The following FAF2 variants were observed in gnomAD, a reference collection of about 807,000 sequenced individuals.
The protein encoded by FAF2 is Fas associated factor family member 2.
A neutral mutation model predicts 62.3 loss-of-function variants in FAF2; 9 were observed. The ratio of observed to expected loss-of-function variants is 0.14; its 90% CI spans 0.09 to 0.25. The LOEUF is 0.25. Ranked by LOEUF, FAF2 falls within the 10% of genes least tolerant of loss-of-function variation. The pLI is 1.00. For missense variants in FAF2, 368 were observed against 556.2 expected, an observed-to-expected ratio of 0.66 and a Z score of 3.40; for synonymous variants, 202 against 198.0, an observed-to-expected ratio of 1.02 and a Z score of -0.17.
chr5:176,492,394 C>G, intron 5 of FAF2, 62 bp downstream of exon 5: 11 of 1,487,228 alleles, frequency 7.4e-6, no homozygotes, highest in Non-Finnish European at 9.9e-6. Context: ...CAAAGGAGAG[C>G]ACAGCCCAGC....
chr5:176,469,861 G>A (rs531251888), intron 1 of FAF2, among the ~76,000 whole-genome samples: 3 of 152,234 alleles, frequency 2.0e-5, no homozygotes, highest in East Asian at 1.9e-4. Context: ...GGAGTATTTC[G>A]TAAAATAATG....
At chr5:176,458,436 GTC>G (rs1758317643) in intron 1 of FAF2, among the ~76,000 whole-genome samples, 1 of 77,864 alleles carries the variant, frequency 1.3e-5, no homozygotes, top group Admixed American at 1.8e-4. Flanking sequence ...TTGAGACGGA[GTC>G]TCACTCTCTC....
intron 1 of FAF2, among the ~76,000 whole-genome samples, chr5:176,465,592 C>G (rs1334635331): frequency 1.3e-5 from 2 of 152,008 alleles, no homozygotes; most frequent in East Asian, 3.9e-4. Flanking sequence ...GTCTCAAACT[C>G]CTGACCTCAG....
chr5:176,509,021 G>A lies in FAF2; in HGVS notation c.*2071G>A, dbSNP rs754913430. On this transcript the variant is annotated 3_prime_UTR_variant, in exon 11 of 11. Coordinates refer to ENST00000261942, the MANE Select transcript of FAF2 (RefSeq NM_014613.3). ...CTACAGTGTGCACTTTATGCCTCTC[G>A]CCTTTTGATAATAGTTGTTCAGTGA... The A allele has an allele frequency of 2.6e-5, 4 of 151,938 alleles. No individual in the cohort carries two copies. The highest frequency in any genetic ancestry group is 2.4e-5 in the African/African-American group (1 of 41,350). The allele number at this position is 151,938 out of a possible 1,614,324, so 9.4% of individuals were successfully genotyped here.
chr5:176,494,009 A>G lies in FAF2; in HGVS notation c.494A>G (p.Asp165Gly). 5 of 1,613,620 alleles carry G rather than the reference A, an allele frequency of 3.1e-6. No homozygotes were observed. The highest frequency in any genetic ancestry group is 2.2e-5 in the East Asian group (1 of 44,858). The change falls in exon 6 of 11, where the codon GAT becomes GGT. Residue 165 changes from aspartate to glycine, a missense_variant. By Grantham distance (94) the Asp-to-Gly change is moderately conservative. Coordinates refer to ENST00000261942, the MANE Select transcript of FAF2 (RefSeq NM_014613.3). This position sits in a 1 kb window ranked among gnomAD's most constrained non-coding sequence, Gnocchi z 4.0. ...TTCTCTTTCTCACAGGCACTTAACG[A>G]TGCCAAAAGGGAGCTTCGCTTTCTT... ...YQGTYSQALN[D>G]AKRELRFLLV... is the part of the protein sequence containing the mutation.
intron 3 of FAF2, among the ~76,000 whole-genome samples, chr5:176,487,998 G>A (rs535284264): frequency 5.6e-4 from 85 of 151,770 alleles, no homozygotes; most frequent in Non-Finnish European, 1.1e-3. Flanking sequence ...GCCCACCACC[G>A]CGTCTGGCTA....
In FAF2 at chr5:176,468,765, C is replaced by T. The variant is rs575786343; in HGVS notation, c.64-10423C>T. Among the ~76,000 whole-genome samples, 9 of 149,426 alleles carry T rather than the reference C, an allele frequency of 6.0e-5. No homozygotes were observed. The East Asian group carries it at 1.6e-3, about 26-fold the overall frequency. ...GCTGAGCAACATAGTGGGACCCCAC[C>T]AATCTAGCCCCCAAAAAAACAAAAA... On this transcript the variant is annotated intron_variant, in intron 1 of 10. Coordinates refer to ENST00000261942, the MANE Select transcript of FAF2 (RefSeq NM_014613.3).
At chr5:176,484,089 A>AG (rs1758832195) in intron 2 of FAF2, among the ~76,000 whole-genome samples, 1 of 152,048 alleles carries the variant, frequency 6.6e-6, no homozygotes, top group Non-Finnish European at 1.5e-5. Flanking sequence ...AGAAAAAAAA[A>AG]GAAAAAAAGG....
intron 1 of FAF2, 125 bp downstream of exon 1, chr5:176,448,595 C>A (rs1404905303): frequency 2.1e-6 from 2 of 931,920 alleles, no homozygotes; most frequent in Non-Finnish European, 3.2e-6. Flanking sequence ...GCCCCCTCCC[C>A]CCCAGACTCC....
At chr5:176,452,095 TTGCCCTGGCTG>T (rs1758198244) in intron 1 of FAF2, among the ~76,000 whole-genome samples, 3 of 150,742 alleles carry the variant, frequency 2.0e-5, no homozygotes, top group Non-Finnish European at 4.4e-5. Flanking sequence ...GCTTGCTCTG[TTGCCCTGGCTG>T]GGGTGCAGTG....
chr5:176,493,250 C>T (rs1229017391), intron 5 of FAF2, among the ~76,000 whole-genome samples: 2 of 152,224 alleles, frequency 1.3e-5, no homozygotes, highest in African/African-American at 4.8e-5. Context: ...AGTCTCCTCG[C>T]TGGCTGTTCC....
chr5:176,461,903 G>A (rs1180339681), intron 1 of FAF2, among the ~76,000 whole-genome samples: 2 of 152,018 alleles, frequency 1.3e-5, no homozygotes, highest in Admixed American at 6.6e-5. Context: ...ATACTACTAG[G>A]TTTTCTTGTA....
At chr5:176,485,986 C>T (rs1274347793) in intron 2 of FAF2, among the ~76,000 whole-genome samples, 1 of 152,236 alleles carries the variant, frequency 6.6e-6, no homozygotes, top group Non-Finnish European at 1.5e-5. Context: ...CACTGCATAA[C>T]TCCAGGGGTA....
intron 10 of FAF2, among the ~76,000 whole-genome samples, chr5:176,501,288 G>A (rs1384352989): frequency 6.6e-6 from 1 of 152,162 alleles, no homozygotes; most frequent in African/African-American, 2.4e-5. Context: ...TCAGTATGTT[G>A]CCTTTGCAAA....
Position 176,496,680 on chromosome 5 carries a change from T to A in FAF2, c.839+17T>A. 1 of 1,501,990 alleles carries A rather than the reference T, an allele frequency of 6.7e-7. No individual in the cohort carries two copies. Among genetic ancestry groups the A allele is most frequent in the East Asian group, 2.5e-5 (1 of 40,178 alleles). 93.0% of individuals were successfully genotyped at this position (1,501,990 alleles called of 1,614,324 possible). A position where few individuals can be genotyped will look rare whatever the true frequency, so the allele number is the denominator to read the frequency against. ...CCTAGAAAGGTACAAGGGAGTTCCC[T>A]TCTGGAACAGAGAGAGACCAGTTGT... is the stretch of plus-strand genomic sequence containing the variant. On this transcript the variant is annotated intron_variant, in intron 8 of 10. Transcript: ENST00000261942.
At chr5:176,455,343 G>A (rs1758262298) in intron 1 of FAF2, among the ~76,000 whole-genome samples, 1 of 152,182 alleles carries the variant, frequency 6.6e-6, no homozygotes, top group African/African-American at 2.4e-5. Flanking sequence ...CAGCTACTTG[G>A]GAGACTGAGG....
At chr5:176,481,439 C>T (rs893495934) in intron 2 of FAF2, among the ~76,000 whole-genome samples, 2 of 152,002 alleles carry the variant, frequency 1.3e-5, no homozygotes, top group African/African-American at 4.8e-5. Context: ...AGGCAGATCA[C>T]GAGGTCAGGA....
At chr5:176,497,736 A>G (rs999206316) in intron 8 of FAF2, among the ~76,000 whole-genome samples, 7 of 152,214 alleles carry the variant, frequency 4.6e-5, no homozygotes, top group Non-Finnish European at 8.8e-5. Flanking sequence ...GACAATCAAT[A>G]TAAGTATATT....
At chr5:176,457,599 T>G (rs1465015224) in intron 1 of FAF2, among the ~76,000 whole-genome samples, 4 of 152,154 alleles carry the variant, frequency 2.6e-5, no homozygotes, top group Non-Finnish European at 5.9e-5. Context: ...TTAAAATTAG[T>G]ATCAAAAATG....
Sources: gnomAD v4.1 joint callset for allele counts (sites outside exome capture counted in the v4.1 genomes callset) on GRCh38, gnomAD v4.1.1 for gene constraint, Gnocchi (gnomAD v3.1) non-coding constraint, MANE v1.5 for transcripts, NCBI Gene and HGNC (gene_info 2026-07-23, HGNC 2026-07-21) for gene names.